The following LIMCH1 variants were observed in gnomAD, a reference collection of about 807,000 sequenced individuals.
LIMCH1 encodes LIM and calponin homology domains-containing protein 1.
A neutral mutation model predicts 176.5 loss-of-function variants in LIMCH1; 113 were observed. The ratio of observed to expected loss-of-function variants is 0.64; its 90% CI spans 0.55 to 0.75. LIMCH1 has a LOEUF of 0.75. Ranked by LOEUF, LIMCH1 falls within the 30% of genes least tolerant of loss-of-function variation. The pLI is 0.00. For synonymous variants in LIMCH1, 619 were observed against 645.9 expected (o/e 0.96, Z 0.63); for missense variants, 1,674 against 1,814.9 (o/e 0.92, Z 1.41).
chr4:41,598,473 T>C (rs1318770955), intron 1 of LIMCH1, among the ~76,000 whole-genome samples: 1 of 151,860 alleles, frequency 6.6e-6, no homozygotes, highest in Admixed American at 6.6e-5. Context: ...ATCTAAAGAA[T>C]ATATTTTAGA....
intron 1 of LIMCH1, among the ~76,000 whole-genome samples, chr4:41,385,535 G>T (rs2056373510): frequency 6.6e-6 from 1 of 152,156 alleles, no homozygotes; most frequent in Non-Finnish European, 1.5e-5. Context: ...GTTCAGTTTT[G>T]TCAGAGAGTT....
chr4:41,645,980 A>T, intron 15 of LIMCH1, 143 bp from the exon 16 acceptor site: 1 of 776,050 alleles, frequency 1.3e-6, no homozygotes, highest in Non-Finnish European at 2.1e-6. Flanking sequence ...CTTACATTGG[A>T]TTGTGTGGGA....
At chr4:41,464,667 C>A (rs1261670097) in intron 1 of LIMCH1, among the ~76,000 whole-genome samples, 1 of 152,160 alleles carries the variant, frequency 6.6e-6, no homozygotes, top group Admixed American at 6.5e-5. Flanking sequence ...AACTACCAGG[C>A]CTGCCCGAGC....
chr4:41,585,427 C>A (rs1420441557), intron 1 of LIMCH1, among the ~76,000 whole-genome samples: 1 of 152,080 alleles, frequency 6.6e-6, no homozygotes, highest in African/African-American at 2.4e-5. Context: ...ATGTATAGAC[C>A]ACATTTTGTT....
chr4:41,449,901 CAGGCTTCT>C (rs1386943259), intron 1 of LIMCH1, among the ~76,000 whole-genome samples: 2 of 152,180 alleles, frequency 1.3e-5, no homozygotes, highest in Admixed American at 1.3e-4. Context: ...GGATCTGTGC[CAGGCTTCT>C]TGGCCTTCTT....
chr4:41,492,913 T>C (rs2071352947), intron 1 of LIMCH1, among the ~76,000 whole-genome samples: 1 of 152,192 alleles, frequency 6.6e-6, no homozygotes. Flanking sequence ...TTGTCTGATA[T>C]ATAGTTATAT....
chr4:41,534,571 T>A (rs948066454), upstream of LIMCH1, among the ~76,000 whole-genome samples: 7 of 152,356 alleles, frequency 4.6e-5, no homozygotes, highest in East Asian at 1.3e-3. Context: ...GATATTCATG[T>A]GCAGATGTCT....
At chr4:41,497,844 T>C (rs192048678) in intron 2 of LIMCH1, among the ~76,000 whole-genome samples, 1 of 151,846 alleles carries the variant, frequency 6.6e-6, no homozygotes, top group Non-Finnish European at 1.5e-5. Context: ...TCTGATCCCT[T>C]AGCTCTTGCT....
chr4:41,574,122 C>T (rs749801996), intron 1 of LIMCH1, among the ~76,000 whole-genome samples: 7 of 151,934 alleles, frequency 4.6e-5, no homozygotes, highest in Admixed American at 6.6e-5. Context: ...AGCTTAAGTA[C>T]AGAATCAGGT....
intron 2 of LIMCH1, among the ~76,000 whole-genome samples, chr4:41,501,904 T>TTTTGAATTGAA (rs2073362547): frequency 6.7e-6 from 1 of 149,868 alleles, no homozygotes; most frequent in Non-Finnish European, 1.5e-5. Flanking sequence ...ACCTTCAATT[T>TTTTGAATTGAA]TTATTTTAAG....
intron 1 of LIMCH1, among the ~76,000 whole-genome samples, chr4:41,578,575 G>A (rs948475586): frequency 6.6e-6 from 1 of 151,974 alleles, no homozygotes; most frequent in Non-Finnish European, 1.5e-5. Flanking sequence ...ATTCATCTTG[G>A]CCAATTTGAT....
chr4:41,638,836 C>T (rs1459681511), intron 13 of LIMCH1, 96 bp from the exon 14 acceptor site: 16 of 968,262 alleles, frequency 1.7e-5, no homozygotes, highest in African/African-American at 6.5e-5. Context: ...AAAGGTTTGG[C>T]GCACATGTAT....
chr4:41,413,181 G>A (rs1453188592), intron 1 of LIMCH1, among the ~76,000 whole-genome samples: 4 of 150,200 alleles, frequency 2.7e-5, no homozygotes, highest in African/African-American at 9.8e-5. Context: ...AACTAACAGA[G>A]AGCCATGTTA....
intron 17 of LIMCH1, among the ~76,000 whole-genome samples, chr4:41,649,298 G>T (rs1382284268): frequency 3.9e-5 from 6 of 152,158 alleles, no homozygotes; most frequent in Non-Finnish European, 8.8e-5. Context: ...TACTTGGGAG[G>T]CTGAGGCATG....
intron 1 of LIMCH1, among the ~76,000 whole-genome samples, chr4:41,486,963 CACACACACATACAT>C (rs1254937257): frequency 1.8e-5 from 2 of 108,146 alleles, no homozygotes; most frequent in Non-Finnish European, 4.0e-5. Flanking sequence ...TATATATACA[CACACACACATACAT>C]ACACACACAC....
At chr4:41,612,432 C>A in intron 4 of LIMCH1, 1 of 657,098 alleles carries the variant, frequency 1.5e-6, no homozygotes, top group South Asian at 1.7e-5. Flanking sequence ...CGGATGAGAA[C>A]ATGCCTCTCT....
At chr4:41,485,065 T>C (rs2069273852) in intron 1 of LIMCH1, among the ~76,000 whole-genome samples, 1 of 152,264 alleles carries the variant, frequency 6.6e-6, no homozygotes, top group African/African-American at 2.4e-5. Flanking sequence ...TACAGTGTTT[T>C]ATATCACATT....
Position 41,684,458 on chromosome 4 carries a change from C to A in LIMCH1, c.3907C>A (p.His1303Asn), listed in dbSNP as rs772281959. Residue 1303 changes from histidine (H) to asparagine (N), a missense_variant, in exon 27 of 32, where the codon CAT becomes AAT. By Grantham distance (68) the His-to-Asn change is moderately conservative. Around this residue, in one of 3 missense-constraint regions of LIMCH1, gnomAD observed 1,015 missense variants for 1,102.5 expected, o/e 0.92. Transcript: ENST00000503057. ...NPVSKGVHED[H>N]QLDTEAGAPH... Reference sequence around the variant, plus strand: ...TGTATCAAAAGGAGTCCATGAAGACCATCAGCTGGATACCGAGGCTGGGGC... The same window carrying A: ...TGTATCAAAAGGAGTCCATGAAGACAATCAGCTGGATACCGAGGCTGGGGC... The A allele has an allele frequency of 2.8e-5, 45 of 1,613,596 alleles. No individual in the cohort carries two copies. The highest frequency in any genetic ancestry group is 1.0e-4 in the Admixed American group (6 of 59,964).
intron 2 of LIMCH1, among the ~76,000 whole-genome samples, chr4:41,517,431 G>A (rs1233539680): frequency 2.6e-5 from 4 of 152,084 alleles, no homozygotes; most frequent in Non-Finnish European, 5.9e-5. Flanking sequence ...AGAAATACAC[G>A]GGGTCAGGCT....
Sources: allele counts gnomAD v4.1 joint callset (sites outside exome capture counted in the v4.1 genomes callset), GRCh38; gene constraint gnomAD v4.1.1; regional missense constraint gnomAD v4.1.1; transcripts MANE v1.5; gene names NCBI Gene and HGNC (gene_info 2026-07-23, HGNC 2026-07-21).